DENND4A: variants seen among roughly 807,000 people sequenced by gnomAD.
The protein encoded by DENND4A is C-myc promoter-binding protein.
DENND4A carries 70 observed loss-of-function variants against 199.3 expected under a neutral mutation model. The ratio of observed to expected loss-of-function variants is 0.35; its 90% CI spans 0.29 to 0.43. The LOEUF is 0.43. Among genes scored for constraint, DENND4A ranks in the 20% least tolerant of loss-of-function variants. DENND4A has a pLI of 1.00. For missense variants in DENND4A, 1,723 were observed against 2,255.8 expected (o/e 0.76, Z 4.78); for synonymous variants, 686 against 766.9 (o/e 0.89, Z 1.74).
chr15:65,691,049 A>C lies in DENND4A; in HGVS notation c.3545T>G (p.Val1182Gly), dbSNP rs577531074. The C allele has an allele frequency of 1.2e-6, 2 of 1,612,664 alleles. No individual in the cohort carries two copies. Among genetic ancestry groups the C allele is most frequent in the East Asian group, 4.5e-5 (2 of 44,886 alleles). ...SETDVSKAGC[V>G]ATQNPKRIQR... ...AATCCTCTTGGGATTTTGTGTAGCAACACATCCTGCTTTTGATACATCTGT... is the reference window on the plus strand; with the variant it reads ...AATCCTCTTGGGATTTTGTGTAGCACCACATCCTGCTTTTGATACATCTGT... The change falls in exon 23 of 33, where the codon GTT (valine) becomes GGT (glycine). Residue 1182 changes from valine to glycine, a missense_variant. Physicochemically the swap from Val to Gly is moderately radical, Grantham distance 109. This residue lies in a region of DENND4A where 650 missense variants were observed against 738.1 expected (regional missense o/e 0.88). Coordinates refer to ENST00000443035, the MANE Select transcript of DENND4A (RefSeq NM_001320835.1).
intron 23 of DENND4A, among the ~76,000 whole-genome samples, chr15:65,681,535 C>T (rs1397020253): frequency 1.3e-5 from 2 of 150,790 alleles, no homozygotes; most frequent in Non-Finnish European, 3.0e-5. Context: ...CTTGACATTT[C>T]TTTTTTCATC....
At chr15:65,765,344 T>C (rs1212525549) in intron 1 of DENND4A, among the ~76,000 whole-genome samples, 2 of 152,230 alleles carry the variant, frequency 1.3e-5, no homozygotes, top group Admixed American at 6.5e-5. Flanking sequence ...CAAAGTGATA[T>C]ATGAATGTGC....
chr15:65,763,006 T>C (rs1283684242), intron 1 of DENND4A, among the ~76,000 whole-genome samples: 1 of 152,218 alleles, frequency 6.6e-6, no homozygotes, highest in African/African-American at 2.4e-5. Flanking sequence ...TATCTTATTT[T>C]TTTAAATTAA....
chr15:65,743,153 G>A (rs143090829), intron 4 of DENND4A, among the ~76,000 whole-genome samples: 4 of 152,046 alleles, frequency 2.6e-5, no homozygotes, highest in African/African-American at 7.2e-5. Context: ...CTACATAAAC[G>A]AGTGATCCTT....
At chr15:65,669,589 A>G (rs555077406) in intron 27 of DENND4A, among the ~76,000 whole-genome samples, 190 bp downstream of exon 27, 4 of 152,346 alleles carry the variant, frequency 2.6e-5, no homozygotes, top group East Asian at 1.9e-4. Flanking sequence ...AGCATAACAT[A>G]TAACTACATA....
At position 65,691,396 on chromosome 15, in the gene DENND4A, C is replaced by T. The variant is rs2076964310; in HGVS notation, c.3198G>A (p.Gln1066=). The change falls in exon 23 of 33, where the codon CAG becomes CAA. Residue 1066 remains glutamine, a synonymous_variant. Transcript: ENST00000443035. ...RHKSDNETNL[Q]QQVVWGNRNR... ...TTCTATTTCCCCAGACCACTTGCTGCTGCAAATTAGTTTCATTGTCACTTT... is the reference window on the plus strand; with the variant it reads ...TTCTATTTCCCCAGACCACTTGCTGTTGCAAATTAGTTTCATTGTCACTTT... 6.2e-7 allele frequency: 1 copy of T among 1,613,566 alleles called. No individual in the cohort carries two copies. The highest frequency in any genetic ancestry group is 1.3e-5 in the African/African-American group (1 of 75,026).
Position 65,729,340 on chromosome 15 carries a change from C to T in DENND4A, c.1312-93G>A, listed in dbSNP as rs570469553. On this transcript the variant is annotated intron_variant, in intron 10 of 32. Coordinates refer to ENST00000443035, the MANE Select transcript of DENND4A (RefSeq NM_001320835.1). The stretch of plus-strand genomic sequence containing the variant: ...CAAAAAACTGTCTTTTAAGTATTAT[C>T]TAAAGCCTAATGCCTGATAATGAAT... 5 of 1,424,306 alleles carry T rather than the reference C, an allele frequency of 3.5e-6. No individual in the cohort carries two copies. In the South Asian group the frequency reaches 6.2e-5, roughly 18 times the overall value. The allele number at this position is 1,424,306 out of a possible 1,614,324, so 88.2% of individuals were successfully genotyped here.
intron 27 of DENND4A, among the ~76,000 whole-genome samples, chr15:65,668,623 G>A (rs1329077187): frequency 6.6e-6 from 1 of 152,046 alleles, no homozygotes; most frequent in African/African-American, 2.4e-5. Context: ...GAGTTCGAGA[G>A]CAGCTTGGCC....
chr15:65,773,263 G>C (rs2077189656), intron 1 of DENND4A, among the ~76,000 whole-genome samples: 2 of 152,168 alleles, frequency 1.3e-5, no homozygotes, highest in Admixed American at 1.3e-4. Flanking sequence ...CAGCTAACCA[G>C]AATTAATTTC....
intron 2 of DENND4A, among the ~76,000 whole-genome samples, chr15:65,757,426 C>T (rs570741286): frequency 6.6e-6 from 1 of 152,202 alleles, no homozygotes; most frequent in East Asian, 1.9e-4. Flanking sequence ...GAGATAAGCA[C>T]TTCAGACCAC....
intron 32 of DENND4A, among the ~76,000 whole-genome samples, chr15:65,664,091 T>C (rs1368810825): frequency 2.6e-5 from 4 of 152,176 alleles, no homozygotes; most frequent in Non-Finnish European, 5.9e-5. Context: ...TTCACAAGAT[T>C]GTACAACTAT....
At chr15:65,779,339 C>T (rs1332144955) in intron 1 of DENND4A, among the ~76,000 whole-genome samples, 1 of 151,268 alleles carries the variant, frequency 6.6e-6, no homozygotes, top group Non-Finnish European at 1.5e-5. Context: ...ACCTATAATC[C>T]CAGCTACTCG....
At chr15:65,762,450 C>A (rs924030167) in intron 1 of DENND4A, among the ~76,000 whole-genome samples, 1 of 151,864 alleles carries the variant, frequency 6.6e-6, no homozygotes, top group East Asian at 1.9e-4. Context: ...ATAGTGAGGC[C>A]CCCATCTCTA....
intron 14 of DENND4A, among the ~76,000 whole-genome samples, chr15:65,712,849 T>A (rs1166429258): frequency 6.6e-6 from 1 of 152,146 alleles, no homozygotes; most frequent in African/African-American, 2.4e-5. Context: ...ATTTCTTCCT[T>A]TTTTCTATTA....
chr15:65,709,311 G>T (rs752817333), intron 14 of DENND4A, among the ~76,000 whole-genome samples: 44 of 152,162 alleles, frequency 2.9e-4, no homozygotes, highest in Admixed American at 5.9e-4. Context: ...ATGAAAGGTA[G>T]TAACAGCATT....
At chr15:65,736,893 T>A (rs1031243481) in intron 7 of DENND4A, among the ~76,000 whole-genome samples, 1 of 152,218 alleles carries the variant, frequency 6.6e-6, no homozygotes. Flanking sequence ...TAAAGTTTTT[T>A]TAGTTTTGGA....
chr15:65,741,837 A>G, intron 4 of DENND4A, 53 bp from the exon 5 acceptor site: 1 of 1,420,322 alleles, frequency 7.0e-7, no homozygotes, highest in Non-Finnish European at 9.8e-7. Context: ...TAGGAACTTG[A>G]TAAAATGGAA....
intron 21 of DENND4A, chr15:65,696,714 G>C (rs2077156563): frequency 6.1e-6 from 2 of 329,026 alleles, no homozygotes; most frequent in Admixed American, 9.0e-5. Context: ...TCATGCATGA[G>C]GTCCATGCAC....
chr15:65,712,403 T>C (rs1216048900), intron 14 of DENND4A, among the ~76,000 whole-genome samples: 1 of 152,212 alleles, frequency 6.6e-6, no homozygotes, highest in Non-Finnish European at 1.5e-5. Flanking sequence ...TTTTAGTTTA[T>C]ACAACACTAC....
Sources: gnomAD v4.1 joint callset for allele counts (sites outside exome capture counted in the v4.1 genomes callset) on GRCh38, gnomAD v4.1.1 for gene constraint, gnomAD v4.1.1 regional missense constraint, MANE v1.5 for transcripts, NCBI Gene and HGNC (gene_info 2026-07-23, HGNC 2026-07-21) for gene names.